Variants in LINGO2 observed in about 807,000 individuals in gnomAD.
LINGO2 encodes the protein leucine-rich repeat and immunoglobulin-like domain-containing nogo receptor-interacting protein 2.
In LINGO2, 14 loss-of-function variants were observed where a neutral mutation model predicts 30.6. The ratio of observed to expected loss-of-function variants is 0.46; its 90% CI spans 0.30 to 0.72. LINGO2 has a LOEUF of 0.72. LINGO2 is among the 30% of genes least tolerant of loss of function. The pLI is 0.07. For synonymous variants in LINGO2, 317 were observed against 288.5 expected, an observed-to-expected ratio of 1.10 and a Z score of -1.00; for missense variants, 729 against 751.7, an observed-to-expected ratio of 0.97 and a Z score of 0.35.
chr9:27,975,858 TATTTA>T (rs1162279366), intron 5 of LINGO2, among the ~76,000 whole-genome samples: 4 of 152,002 alleles, frequency 2.6e-5, no homozygotes, highest in African/African-American at 7.2e-5. Context: ...AAAAAGTATA[TATTTA>T]ATTTGTCTTT....
chr9:28,330,635 C>A (rs1020522127), intron 3 of LINGO2, among the ~76,000 whole-genome samples: 2 of 152,092 alleles, frequency 1.3e-5, no homozygotes, highest in African/African-American at 2.4e-5. Context: ...ACACTTGATT[C>A]ACCCAAAATG....
chr9:28,966,712 C>G, the LINGO2 span, among the ~76,000 whole-genome samples: 1 of 152,030 alleles, frequency 6.6e-6, no homozygotes, highest in Non-Finnish European at 1.5e-5. Flanking sequence ...TAGACCACAT[C>G]GCCTCCCATG....
chr9:28,512,412 A>G (rs1820425336), intron 1 of LINGO2, among the ~76,000 whole-genome samples: 1 of 151,490 alleles, frequency 6.6e-6, no homozygotes, highest in African/African-American at 2.4e-5. Context: ...CAGCATCCCT[A>G]TCTGCCACTG....
intron 4 of LINGO2, among the ~76,000 whole-genome samples, chr9:28,201,369 A>G (rs1309850124): frequency 1.4e-5 from 2 of 139,862 alleles, no homozygotes; most frequent in African/African-American, 2.7e-5. Flanking sequence ...GAGAATGATG[A>G]TTTCCAATTT....
intron 3 of LINGO2, among the ~76,000 whole-genome samples, chr9:28,311,084 A>T (rs1199894279): frequency 6.6e-6 from 1 of 152,148 alleles, no homozygotes. Flanking sequence ...AGAGTACAAA[A>T]GAGAGAAATT....
chr9:28,960,469 A>G, the LINGO2 span, among the ~76,000 whole-genome samples: 1 of 151,490 alleles, frequency 6.6e-6, no homozygotes, highest in Non-Finnish European at 1.5e-5. Context: ...CATATGATGG[A>G]GCCAGCCTAG....
chr9:28,478,606 T>G (rs190707534), intron 1 of LINGO2, among the ~76,000 whole-genome samples: 4 of 152,084 alleles, frequency 2.6e-5, no homozygotes, highest in Non-Finnish European at 5.9e-5. Flanking sequence ...TTCTGTGTGT[T>G]TGTGTGTGTT....
chr9:28,580,159 T>G (rs1356130277), intron 1 of LINGO2, among the ~76,000 whole-genome samples: 2 of 152,078 alleles, frequency 1.3e-5, no homozygotes, highest in Non-Finnish European at 2.9e-5. Flanking sequence ...CCCTAGTAAT[T>G]GGAGAGATGG....
At chr9:28,269,244 C>T (rs1269355328) in intron 4 of LINGO2, among the ~76,000 whole-genome samples, 2 of 152,000 alleles carry the variant, frequency 1.3e-5, no homozygotes, top group Non-Finnish European at 2.9e-5. Flanking sequence ...ACTGATAGGT[C>T]CCAGAGGACT....
intron 3 of LINGO2, among the ~76,000 whole-genome samples, chr9:28,296,578 A>T (rs538289493): frequency 6.6e-6 from 1 of 152,204 alleles, no homozygotes; most frequent in Non-Finnish European, 1.5e-5. Flanking sequence ...CTTTGTTAAA[A>T]GGCACAACAG....
chr9:28,089,859 C>T (rs1029887207), intron 4 of LINGO2, among the ~76,000 whole-genome samples: 2 of 151,974 alleles, frequency 1.3e-5, no homozygotes, highest in African/African-American at 2.4e-5. Flanking sequence ...CAAATAGATG[C>T]AATAAAAAAT....
chr9:28,416,515 T>C (rs1436846487), intron 2 of LINGO2, among the ~76,000 whole-genome samples: 2 of 152,190 alleles, frequency 1.3e-5, no homozygotes, highest in South Asian at 4.1e-4. Flanking sequence ...TTACCTTTTG[T>C]GAAGCATTAA....
chr9:28,168,205 A>T (rs1413604180), intron 4 of LINGO2, among the ~76,000 whole-genome samples: 1 of 152,194 alleles, frequency 6.6e-6, no homozygotes, highest in Non-Finnish European at 1.5e-5. Context: ...CTAAAGCCAG[A>T]TCTACTCCCG....
the LINGO2 span, among the ~76,000 whole-genome samples, chr9:28,829,268 G>A: frequency 3.9e-5 from 6 of 152,154 alleles, no homozygotes; most frequent in Non-Finnish European, 5.9e-5. Flanking sequence ...CCCCCTTCCC[G>A]CTGAGAGCCA....
chr9:28,569,764 A>C (rs190297255), intron 1 of LINGO2, among the ~76,000 whole-genome samples: 1 of 152,116 alleles, frequency 6.6e-6, no homozygotes, highest in African/African-American at 2.4e-5. Flanking sequence ...AAATTTATTA[A>C]GAGTATATCT....
chr9:28,497,572 C>G (rs1452685143), intron 1 of LINGO2, among the ~76,000 whole-genome samples: 1 of 152,036 alleles, frequency 6.6e-6, no homozygotes, highest in Non-Finnish European at 1.5e-5. Flanking sequence ...AATCTTTTTT[C>G]AAGGTTTTTA....
At chr9:28,717,750 G>A in the LINGO2 span, among the ~76,000 whole-genome samples, 4 of 151,886 alleles carry the variant, frequency 2.6e-5, no homozygotes, top group African/African-American at 9.7e-5. Context: ...AGTCCTCAGT[G>A]TTTTTATATG....
the LINGO2 span, among the ~76,000 whole-genome samples, chr9:28,803,283 T>C: frequency 6.6e-6 from 1 of 151,742 alleles, no homozygotes; most frequent in African/African-American, 2.4e-5. Flanking sequence ...GCATCATAAG[T>C]AGAAATAATA....
chr9:29,199,130 C>A, the LINGO2 span, among the ~76,000 whole-genome samples: 1 of 152,096 alleles, frequency 6.6e-6, no homozygotes, highest in Admixed American at 6.6e-5. Context: ...CATGATGAAA[C>A]AATAGGCATC....
Sources: allele counts gnomAD v4.1 joint callset (sites outside exome capture counted in the v4.1 genomes callset), GRCh38; gene constraint gnomAD v4.1.1; transcripts MANE v1.5; gene names NCBI Gene and HGNC (gene_info 2026-07-23, HGNC 2026-07-21).